Variants in LMO7 observed in about 807,000 individuals in gnomAD.
The protein encoded by LMO7 is LIM domain 7.
LMO7 carries 120 observed loss-of-function variants against 206.5 expected under a neutral mutation model. The ratio of observed to expected loss-of-function variants is 0.58; its 90% CI spans 0.50 to 0.68. The LOEUF is 0.68. Ranked by LOEUF, LMO7 falls within the 30% of genes least tolerant of loss-of-function variation. The pLI, the probability that LMO7 is intolerant of heterozygous loss-of-function variation, is 0.00. For missense variants in LMO7, 1,959 were observed against 1,957.9 expected (o/e 1.00, Z -0.01); for synonymous variants, 706 against 681.5 (o/e 1.04, Z -0.56).
chr13:75,804,622 C>T, intron 8 of LMO7, 81 bp downstream of exon 8: 1 of 1,461,512 alleles, frequency 6.8e-7, no homozygotes, highest in Non-Finnish European at 9.3e-7. Flanking sequence ...AAGAATGGCT[C>T]TTAAATGTGT....
chr13:75,853,035 A>G (rs2060619695), intron 27 of LMO7, 57 bp from the exon 28 acceptor site: 1 of 1,362,486 alleles, frequency 7.3e-7, no homozygotes, highest in Non-Finnish European at 1.0e-6. Flanking sequence ...TGATGAATTA[A>G]ATAGATTTCT....
chr13:75,820,510 G>A (rs1039101902), intron 13 of LMO7, among the ~76,000 whole-genome samples: 1 of 152,256 alleles, frequency 6.6e-6, no homozygotes, highest in Non-Finnish European at 1.5e-5. Context: ...TGTCAATCAT[G>A]ATATTTATAG....
At chr13:75,649,554 A>G (rs1179047660) in intron 1 of LMO7, among the ~76,000 whole-genome samples, 2 of 152,208 alleles carry the variant, frequency 1.3e-5, no homozygotes, top group African/African-American at 2.4e-5. Flanking sequence ...TTGAAAGTAT[A>G]GATTTGGAGT....
intron 28 of LMO7, among the ~76,000 whole-genome samples, chr13:75,853,683 A>G (rs1489761594): frequency 6.6e-6 from 1 of 152,250 alleles, no homozygotes; most frequent in Non-Finnish European, 1.5e-5. Context: ...AAGACATACC[A>G]GAATACTTCT....
At chr13:75,622,084 G>A (rs2033375456) in intron 1 of LMO7, among the ~76,000 whole-genome samples, 1 of 151,974 alleles carries the variant, frequency 6.6e-6, no homozygotes, top group African/African-American at 2.4e-5. Context: ...TAAAATTTTT[G>A]TGGGTACTTT....
chr13:75,746,834 A>G (rs1490273953), intron 3 of LMO7, among the ~76,000 whole-genome samples: 1 of 152,156 alleles, frequency 6.6e-6, no homozygotes, highest in Non-Finnish European at 1.5e-5. Flanking sequence ...AGTGGACCAG[A>G]TAACACCTTC....
At chr13:75,721,053 A>C (rs1288837516) in intron 2 of LMO7, among the ~76,000 whole-genome samples, 1 of 152,170 alleles carries the variant, frequency 6.6e-6, no homozygotes, top group Non-Finnish European at 1.5e-5. Flanking sequence ...CATTTACTTA[A>C]TTAAGATAAC....
At chr13:75,697,719 T>TA (rs2042003010) in intron 1 of LMO7, among the ~76,000 whole-genome samples, 1 of 152,270 alleles carries the variant, frequency 6.6e-6, no homozygotes, top group Non-Finnish European at 1.5e-5. Context: ...ATACTATTCT[T>TA]CATGCTTCAA....
At chr13:75,816,441 CA>C (rs2057003197) in intron 11 of LMO7, among the ~76,000 whole-genome samples, 1 of 152,214 alleles carries the variant, frequency 6.6e-6, no homozygotes, top group African/African-American at 2.4e-5. Flanking sequence ...GTAGAGAGCA[CA>C]CATGTGCCTG....
chr13:75,642,931 A>C (rs570418452), intron 1 of LMO7, among the ~76,000 whole-genome samples: 5 of 152,358 alleles, frequency 3.3e-5, no homozygotes, highest in Non-Finnish European at 7.3e-5. Context: ...AGCTGAGAAA[A>C]GGAGGGTTCT....
intron 3 of LMO7, among the ~76,000 whole-genome samples, chr13:75,737,777 T>TGAA (rs1555305719): frequency 3.1e-4 from 7 of 22,700 alleles, no homozygotes; most frequent in Non-Finnish European, 4.1e-4. Context: ...TAAAATAAAA[T>TGAA]AAAATAAAAA....
chr13:75,832,501 T>C (rs2058755174), intron 15 of LMO7, among the ~76,000 whole-genome samples: 1 of 152,174 alleles, frequency 6.6e-6, no homozygotes, highest in Non-Finnish European at 1.5e-5. Flanking sequence ...TAAATCTTCA[T>C]GTGGCATTTG....
At chr13:75,736,165 T>C (rs1056948866) in intron 3 of LMO7, among the ~76,000 whole-genome samples, 1 of 152,248 alleles carries the variant, frequency 6.6e-6, no homozygotes, top group Non-Finnish European at 1.5e-5. Context: ...TCTATCTAGT[T>C]TAGATTTTAT....
chr13:75,841,598 G>A, intron 23 of LMO7, 30 bp from the exon 24 acceptor site: 1 of 1,442,232 alleles, frequency 6.9e-7, no homozygotes, highest in South Asian at 1.2e-5. Flanking sequence ...AACAGATTTA[G>A]ATGGATTTCT....
At chr13:75,731,109 A>T (rs1286102610) in intron 3 of LMO7, among the ~76,000 whole-genome samples, 1 of 151,858 alleles carries the variant, frequency 6.6e-6, no homozygotes, top group Non-Finnish European at 1.5e-5. Context: ...TATTCTGTTG[A>T]TTTGGGGTGG....
chr13:75,783,215 G>C (rs2051823172), intron 4 of LMO7, among the ~76,000 whole-genome samples: 1 of 152,288 alleles, frequency 6.6e-6, no homozygotes, highest in South Asian at 2.1e-4. Flanking sequence ...TGTAATATTA[G>C]GTAATTGCTT....
intron 1 of LMO7, among the ~76,000 whole-genome samples, chr13:75,674,074 G>A (rs2039816264): frequency 6.6e-6 from 1 of 152,114 alleles, no homozygotes; most frequent in South Asian, 2.1e-4. Context: ...TCAAAGTGGT[G>A]TATTCATTAT....
chr13:75,849,474 A>G (rs2060295384), intron 27 of LMO7, among the ~76,000 whole-genome samples, 182 bp downstream of exon 27: 1 of 151,934 alleles, frequency 6.6e-6, no homozygotes, highest in African/African-American at 2.4e-5. Context: ...AGGTAGGGAT[A>G]ATAATTCTGG....
Position 75,849,272 on chromosome 13 carries a change from T to C in LMO7, c.4344T>C (p.Ser1448=). 6.2e-7 allele frequency: 1 copy of C among 1,613,984 alleles called. No individual in the cohort carries two copies. The highest frequency in any genetic ancestry group is 8.5e-7 in the Non-Finnish European group (1 of 1,179,866). The change falls in exon 27 of 31, where the codon AGT becomes AGC. Residue 1448 remains serine, a synonymous_variant. Coordinates refer to ENST00000377534, the MANE Select transcript of LMO7 (RefSeq NM_001306080.2). ...RSASVNKEPV[S]LPGIMRRGES... ...CCAGTGTCAACAAAGAGCCTGTTAG[T>C]CTTCCTGGGATCATGAGAAGGTGCG... is the stretch of plus-strand genomic sequence containing the variant.
Sources: allele counts gnomAD v4.1 joint callset (sites outside exome capture counted in the v4.1 genomes callset), GRCh38; gene constraint gnomAD v4.1.1; transcripts MANE v1.5; gene names NCBI Gene and HGNC (gene_info 2026-07-23, HGNC 2026-07-21).